Variants in CEP170 observed in about 807,000 individuals in gnomAD.
The protein encoded by CEP170 is centrosomal protein 170.
A neutral mutation model predicts 151.9 loss-of-function variants in CEP170; 21 were observed. The ratio of observed to expected loss-of-function variants is 0.14; its 90% CI spans 0.10 to 0.20. CEP170 has a LOEUF of 0.20. Among genes scored for constraint, CEP170 ranks in the 10% least tolerant of loss-of-function variants. The probability of loss-of-function intolerance (pLI) is 1.00; values close to 1 mark genes in which losing one functional copy is unlikely to be tolerated. For synonymous variants in CEP170, 356 were observed against 648.8 expected, an observed-to-expected ratio of 0.55 and a Z score of 6.86; for missense variants, 964 against 1,892.9, an observed-to-expected ratio of 0.51 and a Z score of 9.11.
intron 3 of CEP170, among the ~76,000 whole-genome samples, chr1:243,213,359 T>C (rs2061987832): frequency 6.6e-6 from 1 of 152,114 alleles, no homozygotes; most frequent in South Asian, 2.1e-4. Context: ...CATTTTGGGG[T>C]TTCTTTTTTC....
chr1:243,193,797 T>C (rs1236683601), intron 7 of CEP170, among the ~76,000 whole-genome samples: 4 of 151,794 alleles, frequency 2.6e-5, no homozygotes, highest in Admixed American at 2.6e-4. Flanking sequence ...ATAAATCTTA[T>C]CCCTAATCAG....
At chr1:243,128,434 C>T (rs2148151173) in intron 18 of CEP170, 134 bp from the exon 19 acceptor site, 2 of 564,284 alleles carry the variant, frequency 3.5e-6, no homozygotes, top group African/African-American at 2.0e-5. Flanking sequence ...TTAATAGCAA[C>T]ATGATATGAA....
At chr1:243,166,310 C>A (rs1010892371) in intron 12 of CEP170, among the ~76,000 whole-genome samples, 194 bp from the exon 13 acceptor site, 11 of 152,150 alleles carry the variant, frequency 7.2e-5, no homozygotes, top group Admixed American at 2.0e-4. Flanking sequence ...CCTACTCACA[C>A]CCTCCCATAT....
chr1:243,152,176 C>T (rs930277382), intron 14 of CEP170, among the ~76,000 whole-genome samples: 5 of 152,040 alleles, frequency 3.3e-5, no homozygotes, highest in African/African-American at 1.2e-4. Flanking sequence ...TGCTTTCATA[C>T]CTGCTAACAT....
At chr1:243,193,398 A>T (rs2060439144) in intron 7 of CEP170, among the ~76,000 whole-genome samples, 1 of 151,744 alleles carries the variant, frequency 6.6e-6, no homozygotes, top group African/African-American at 2.4e-5. Context: ...TGCTTTGCTC[A>T]TCCTTCAGGT....
chr1:243,170,175 C>A (rs2058726872), intron 11 of CEP170, among the ~76,000 whole-genome samples: 1 of 152,180 alleles, frequency 6.6e-6, no homozygotes, highest in South Asian at 2.1e-4. Context: ...ATAATGAGGT[C>A]AGGAGATCGA....
intron 1 of CEP170, among the ~76,000 whole-genome samples, chr1:243,240,632 TA>T (rs2064737020): frequency 2.9e-5 from 1 of 34,608 alleles, no homozygotes; most frequent in Non-Finnish European, 5.6e-5. Context: ...TGGGTATCTG[TA>T]TTTTTTTTTT....
intron 1 of CEP170, among the ~76,000 whole-genome samples, chr1:243,235,615 A>G (rs1013284121): frequency 3.3e-5 from 5 of 152,154 alleles, no homozygotes; most frequent in African/African-American, 1.2e-4. Flanking sequence ...GTGAAAGGCA[A>G]TTAAAGCAAA....
rs534529698 is a variant in CEP170 at position 243,124,456 on chromosome 1, A to G, written c.*1993T>C. The G allele has an allele frequency of 6.5e-6, 1 of 152,782 alleles. No homozygotes were observed. The highest frequency in any genetic ancestry group is 2.1e-4 in the South Asian group (1 of 4,830). The allele number at this position is 152,782 out of a possible 1,614,324, so 9.5% of individuals were successfully genotyped here. On this transcript the variant is annotated 3_prime_UTR_variant, in exon 20 of 20. Transcript: ENST00000366542. ...AGTTCCAGAAACACTTTATTTAAAA[A>G]TGGAGTTGTAAATGCATAACAAAAT...
At chr1:243,243,600 T>C (rs1407706336) in intron 1 of CEP170, among the ~76,000 whole-genome samples, 1 of 152,072 alleles carries the variant, frequency 6.6e-6, no homozygotes, top group East Asian at 1.9e-4. Flanking sequence ...CTCAGCTCAC[T>C]GCAACCTCTG....
intron 1 of CEP170, among the ~76,000 whole-genome samples, chr1:243,237,465 C>T (rs2064353754): frequency 6.6e-6 from 1 of 152,098 alleles, no homozygotes; most frequent in South Asian, 2.1e-4. Flanking sequence ...TATTATTTAC[C>T]TTAAGGATCG....
intron 2 of CEP170, among the ~76,000 whole-genome samples, chr1:243,223,232 C>T (rs1297137144): frequency 6.6e-6 from 1 of 152,068 alleles, no homozygotes; most frequent in Non-Finnish European, 1.5e-5. Flanking sequence ...AATAATCTCT[C>T]TCTGAGGAAA....
chr1:243,150,728 T>A (rs906980195), intron 14 of CEP170, among the ~76,000 whole-genome samples: 2 of 152,208 alleles, frequency 1.3e-5, no homozygotes, highest in African/African-American at 4.8e-5. Flanking sequence ...GTTCTAACTA[T>A]AATCATAAAC....
intron 10 of CEP170, among the ~76,000 whole-genome samples, chr1:243,178,242 T>A (rs1003315738): frequency 7.7e-6 from 1 of 130,574 alleles, no homozygotes; most frequent in Non-Finnish European, 1.5e-5. Context: ...GACAGGAGAA[T>A]CGCATAACGT....
intron 10 of CEP170, among the ~76,000 whole-genome samples, chr1:243,184,687 G>A (rs1251682728): frequency 6.6e-6 from 1 of 151,898 alleles, no homozygotes; most frequent in African/African-American, 2.4e-5. Context: ...GAAAATAAAA[G>A]TAAACATTAA....
intron 14 of CEP170, among the ~76,000 whole-genome samples, chr1:243,149,669 G>T (rs1243844767): frequency 6.6e-6 from 1 of 152,012 alleles, no homozygotes. Flanking sequence ...AAACATTTTG[G>T]TATTATCAAA....
In CEP170 at chr1:243,215,791, C is replaced by T. The variant is rs575454197; in HGVS notation, c.196-3827G>A. Among the ~76,000 whole-genome samples, 31 of 152,140 alleles carry T rather than the reference C, an allele frequency of 2.0e-4. No individual in the cohort carries two copies. The South Asian group carries it at 5.0e-3, about 24-fold the overall frequency. The stretch of plus-strand genomic sequence containing the variant: ...TGACCCACACCCTATTCATACACTC[C>T]CTCCCCTTCTGAAGATCACTAATAA... On this transcript the variant is annotated intron_variant, in intron 3 of 19. Transcript: ENST00000366542.
chr1:243,193,232 A>G (rs1231500406), intron 7 of CEP170, among the ~76,000 whole-genome samples: 1 of 152,102 alleles, frequency 6.6e-6, no homozygotes, highest in Non-Finnish European at 1.5e-5. Context: ...TCATATATTA[A>G]TAGTTCATTA....
Position 243,164,367 on chromosome 1 carries a change from G to T in CEP170, c.3593C>A (p.Ser1198Tyr). ...GATACTGTTAGCTCTAATTCTAGGA[G>T]AAAATTTATCTGATGGTACTAGTCT... is the stretch of plus-strand genomic sequence containing the variant. Reference protein sequence around the residue: ...GARLVPSDKFSPRIRANSISR... With the variant: ...GARLVPSDKFYPRIRANSISR... The change falls in exon 13 of 20, where the codon TCT (serine) becomes TAT (tyrosine). Residue 1198 changes from serine to tyrosine, a missense_variant. Ser to Tyr is a moderately radical substitution (Grantham distance 144). Transcript: ENST00000366542. 1 of 1,532,238 alleles carries T rather than the reference G, an allele frequency of 6.5e-7. No homozygotes were observed. Among genetic ancestry groups the T allele is most frequent in the African/African-American group, 1.4e-5 (1 of 72,570 alleles). 94.9% of individuals were successfully genotyped at this position (1,532,238 alleles called of 1,614,324 possible). A position where few individuals can be genotyped will look rare whatever the true frequency, so the allele number is the denominator to read the frequency against.
Sources: gnomAD v4.1 joint callset for allele counts (sites outside exome capture counted in the v4.1 genomes callset) on GRCh38, gnomAD v4.1.1 for gene constraint, MANE v1.5 for transcripts, NCBI Gene and HGNC (gene_info 2026-07-23, HGNC 2026-07-21) for gene names.